GLI3: variants seen among roughly 807,000 people sequenced by gnomAD.
The protein encoded by GLI3 is GLI family zinc finger 3, also known as transcription activator GLI3.
A neutral mutation model predicts 100.8 loss-of-function variants in GLI3; 20 were observed. The observed-to-expected ratio is 0.20, with a 90% CI of 0.14 to 0.29. The LOEUF is 0.29. Ranked by LOEUF, GLI3 falls within the 10% of genes least tolerant of loss-of-function variation. The pLI, the probability that GLI3 is intolerant of heterozygous loss-of-function variation, is 1.00. For missense variants in GLI3, 2,040 were observed against 2,128.5 expected, an observed-to-expected ratio of 0.96 and a Z score of 0.82; for synonymous variants, 938 against 860.5, an observed-to-expected ratio of 1.09 and a Z score of -1.58.
Position 41,965,424 on chromosome 7 carries a change from C to G in GLI3, c.3649G>C (p.Gly1217Arg). The G allele has an allele frequency of 1.9e-6, 3 of 1,607,908 alleles. No homozygotes were observed. Among genetic ancestry groups the G allele is most frequent in the African/African-American group, 1.3e-5 (1 of 74,978 alleles). ...CCACCGTAGGGGTTGCTGTTCTCCCCGAGGGTCTGATAGCCCCCAGCAGGC... is the reference window on the plus strand; with the variant it reads ...CCACCGTAGGGGTTGCTGTTCTCCCGGAGGGTCTGATAGCCCCCAGCAGGC... ...SGPAGGYQTLGENSNPYGGPE... is the reference protein window; with the variant it reads ...SGPAGGYQTLRENSNPYGGPE... Residue 1217 changes from glycine to arginine, a missense_variant, in exon 15 of 15, where the codon GGG (glycine) becomes CGG (arginine). Physicochemically the swap from Gly to Arg is moderately radical, Grantham distance 125. Around this residue, in one of 5 missense-constraint regions of GLI3, gnomAD observed 1,041 missense variants for 924.0 expected, o/e 1.13. Coordinates refer to ENST00000395925, the MANE Select transcript of GLI3 (RefSeq NM_000168.6).
chr7:42,149,984 G>A (rs1786816573), intron 2 of GLI3: 1 of 152,202 alleles, frequency 6.6e-6, no homozygotes, highest in African/African-American at 2.4e-5. Flanking sequence ...TTCTGCCTGT[G>A]TGTAGGACTT....
chr7:42,112,843 C>T (rs1187391981), intron 3 of GLI3, among the ~76,000 whole-genome samples: 2 of 152,048 alleles, frequency 1.3e-5, no homozygotes, highest in East Asian at 3.9e-4. Context: ...GCATCCCAGC[C>T]TGCCCAAGAG....
intron 10 of GLI3, among the ~76,000 whole-genome samples, chr7:42,021,575 C>T (rs928690158): frequency 1.3e-5 from 2 of 152,210 alleles, no homozygotes; most frequent in African/African-American, 4.8e-5. Flanking sequence ...GCTACTACCG[C>T]ACTCCAAAAA....
At chr7:42,101,010 G>C (rs1316134098) in intron 3 of GLI3, among the ~76,000 whole-genome samples, 1 of 152,172 alleles carries the variant, frequency 6.6e-6, no homozygotes, top group East Asian at 1.9e-4. Flanking sequence ...TTCTGGCAGT[G>C]CTAGCAAACA....
chr7:42,233,930 G>A (rs1788740987), intron 1 of GLI3, among the ~76,000 whole-genome samples: 1 of 152,076 alleles, frequency 6.6e-6, no homozygotes, highest in African/African-American at 2.4e-5. Context: ...CATTTTAATT[G>A]CCTCTCATGA....
intron 4 of GLI3, among the ~76,000 whole-genome samples, chr7:42,064,900 T>C (rs1456159408): frequency 5.3e-5 from 8 of 152,100 alleles, no homozygotes; most frequent in Non-Finnish European, 1.2e-4. Flanking sequence ...AGCCTCACAA[T>C]AACGTCTGTG....
intron 10 of GLI3, among the ~76,000 whole-genome samples, chr7:41,997,089 G>A (rs1319164266): frequency 1.3e-5 from 2 of 152,116 alleles, no homozygotes; most frequent in Non-Finnish European, 2.9e-5. Context: ...TGGTGTGGGC[G>A]TTCACTGTTT....
intron 2 of GLI3, among the ~76,000 whole-genome samples, chr7:42,211,542 A>T (rs755018249): frequency 3.3e-4 from 51 of 152,362 alleles, no homozygotes; most frequent in Non-Finnish European, 6.0e-4. Flanking sequence ...TTCATATTTT[A>T]CCAGAAAATG....
intron 12 of GLI3, among the ~76,000 whole-genome samples, chr7:41,974,154 G>A (rs1436298973): frequency 6.6e-6 from 1 of 152,196 alleles, no homozygotes; most frequent in Admixed American, 6.5e-5. Flanking sequence ...TACTCTTCCT[G>A]TAAATATATG....
intron 2 of GLI3, among the ~76,000 whole-genome samples, chr7:42,199,533 C>T (rs1428285891): frequency 6.6e-6 from 1 of 152,160 alleles, no homozygotes; most frequent in East Asian, 1.9e-4. Flanking sequence ...TTCGTTTTTA[C>T]AGTGAGTTTT....
chr7:42,202,359 C>T (rs1317287695), intron 2 of GLI3, among the ~76,000 whole-genome samples: 1 of 150,642 alleles, frequency 6.6e-6, no homozygotes, highest in Non-Finnish European at 1.5e-5. Flanking sequence ...CACACACACA[C>T]ACACACACAC....
intron 3 of GLI3, among the ~76,000 whole-genome samples, chr7:42,086,934 C>T (rs1038948729): frequency 6.6e-6 from 1 of 152,176 alleles, no homozygotes; most frequent in African/African-American, 2.4e-5. Flanking sequence ...GGTGAGCACA[C>T]CACACTGCCT....
At chr7:41,990,522 A>G (rs1364528483) in intron 10 of GLI3, among the ~76,000 whole-genome samples, 2 of 152,224 alleles carry the variant, frequency 1.3e-5, no homozygotes, top group African/African-American at 4.8e-5. Context: ...GAACATTAGA[A>G]CAATCAGCTC....
chr7:42,160,118 AG>A lies in GLI3; in HGVS notation c.125-11651del, dbSNP rs373046199. 7.8e-4 allele frequency among the ~76,000 whole-genome samples: 118 copies of A among 152,248 alleles called. 1 individual carries two copies. In the South Asian group the frequency reaches 0.015, roughly 19 times the overall value. On this transcript the variant is annotated intron_variant, in intron 2 of 14. Coordinates refer to ENST00000395925, the MANE Select transcript of GLI3 (RefSeq NM_000168.6). ...GTAAAACTTGCCCCTCTTACTTCAT[AG>A]GGTATTGTGAGGGTTAAACATAATA...
In GLI3 at chr7:42,087,255, G is replaced by C. The variant is rs151282092; in HGVS notation, c.368-10398C>G. On this transcript the variant is annotated intron_variant, in intron 3 of 14. Coordinates refer to ENST00000395925, the MANE Select transcript of GLI3 (RefSeq NM_000168.6). The stretch of plus-strand genomic sequence containing the variant: ...ACAGGCAAAATGAGGGGAACCCACA[G>C]GTATGGGCTGTCTCCTCTTTGGAAT... Among the ~76,000 whole-genome samples, 238 of 152,332 alleles carry C rather than the reference G, an allele frequency of 1.6e-3. 1 individual carries two copies. The highest frequency in any genetic ancestry group is 5.6e-3 in the African/African-American group (231 of 41,570).
intron 4 of GLI3, among the ~76,000 whole-genome samples, chr7:42,050,790 C>A (rs138193697): frequency 1.9e-3 from 296 of 152,280 alleles, no homozygotes; most frequent in Admixed American, 4.1e-3. Context: ...TTGATTTACC[C>A]AAAGATTGAA....
intron 10 of GLI3, among the ~76,000 whole-genome samples, chr7:41,984,899 A>G (rs1787773318): frequency 6.6e-6 from 1 of 152,256 alleles, no homozygotes; most frequent in African/African-American, 2.4e-5. Context: ...ATATGTTCAT[A>G]GTTTTCAAAT....
At chr7:42,042,173 C>A (rs762245490) in intron 6 of GLI3, among the ~76,000 whole-genome samples, 1 of 151,956 alleles carries the variant, frequency 6.6e-6, no homozygotes, top group East Asian at 1.9e-4. Flanking sequence ...CCACCACGCC[C>A]GGATAATTTT....
At chr7:42,126,838 C>G (rs1377687220) in intron 3 of GLI3, among the ~76,000 whole-genome samples, 1 of 152,194 alleles carries the variant, frequency 6.6e-6, no homozygotes, top group African/African-American at 2.4e-5. Flanking sequence ...GGTTCCAAAA[C>G]CCACTTATTA....
Sources: allele counts gnomAD v4.1 joint callset (sites outside exome capture counted in the v4.1 genomes callset), GRCh38; gene constraint gnomAD v4.1.1; regional missense constraint gnomAD v4.1.1; transcripts MANE v1.5; gene names NCBI Gene and HGNC (gene_info 2026-07-23, HGNC 2026-07-21).